Variants in KIF11 observed in about 807,000 individuals in gnomAD.
The protein encoded by KIF11 is kinesin family member 11.
KIF11 carries 9 observed loss-of-function variants against 121.0 expected under a neutral mutation model. The observed-to-expected ratio is 0.07, with a 90% CI of 0.04 to 0.13. KIF11 has a LOEUF of 0.13. KIF11 is among the 10% of genes least tolerant of loss of function. KIF11 has a pLI of 1.00. For synonymous variants in KIF11, 408 were observed against 421.0 expected, an observed-to-expected ratio of 0.97 and a Z score of 0.38; for missense variants, 846 against 1,217.5, an observed-to-expected ratio of 0.69 and a Z score of 4.54.
At chr10:92,612,931 C>T (rs1844513091) in intron 6 of KIF11, 109 bp from the exon 7 acceptor site, 1 of 626,252 alleles carries the variant, frequency 1.6e-6, no homozygotes, top group Admixed American at 2.9e-5. Flanking sequence ...CTGATGTTAT[C>T]TTTCTCTACT....
At chr10:92,604,828 A>T (rs1191355671) in intron 1 of KIF11, among the ~76,000 whole-genome samples, 1 of 152,186 alleles carries the variant, frequency 6.6e-6, no homozygotes, top group Non-Finnish European at 1.5e-5. Flanking sequence ...TGTCTTATTG[A>T]TGCTACTCTG....
At chr10:92,648,932 A>T (rs1009092580) in intron 19 of KIF11, among the ~76,000 whole-genome samples, 1 of 152,168 alleles carries the variant, frequency 6.6e-6, no homozygotes, top group Non-Finnish European at 1.5e-5. Context: ...GGCAAAGATC[A>T]TTATAGGCTG....
At chr10:92,641,271 A>G (rs983333995) in intron 17 of KIF11, among the ~76,000 whole-genome samples, 1 of 152,224 alleles carries the variant, frequency 6.6e-6, no homozygotes, top group South Asian at 2.1e-4. Context: ...GAAAGATACT[A>G]TATTTACCCT....
chr10:92,632,438 T>A (rs1374606750), intron 12 of KIF11, 48 bp from the exon 13 acceptor site: 1 of 1,185,592 alleles, frequency 8.4e-7, no homozygotes, highest in Admixed American at 1.8e-5. Flanking sequence ...TTCATCAGAT[T>A]CCTTTCACCG....
intron 10 of KIF11, among the ~76,000 whole-genome samples, chr10:92,627,383 T>G (rs1369419917): frequency 6.6e-6 from 1 of 152,196 alleles, no homozygotes; most frequent in East Asian, 1.9e-4. Context: ...GCATTCTCTA[T>G]TTTACTTTTT....
intron 1 of KIF11, chr10:92,597,025 C>G: frequency 2.5e-6 from 1 of 394,894 alleles, no homozygotes; most frequent in Non-Finnish European, 5.1e-6. Flanking sequence ...TCTGTGTGTT[C>G]CTGGATCTCC....
rs192801764 is a variant in KIF11, at chr10:92,638,814, T to C, written c.2161-980T>C. Among the ~76,000 whole-genome samples the C allele has an allele frequency of 2.3e-3, 348 of 152,342 alleles. 12 individuals are homozygous for C. The South Asian group carries it at 0.053, about 23-fold the overall frequency. On this transcript the variant is annotated intron_variant, in intron 16 of 21. Transcript: ENST00000260731. ...CTAGTAAAAATACTGACAGACTTTATTCATAATCAGAATGTTAGATATGTA... is the reference window on the plus strand; with the variant it reads ...CTAGTAAAAATACTGACAGACTTTACTCATAATCAGAATGTTAGATATGTA...
In KIF11 at chr10:92,600,540, G is replaced by A. The variant is rs148419121; in HGVS notation, c.78-5725G>A. 2.6e-3 allele frequency among the ~76,000 whole-genome samples: 397 copies of A among 151,884 alleles called. 1 individual carries two copies. The highest frequency in any genetic ancestry group is 9.1e-3 in the African/African-American group (375 of 41,406). On this transcript the variant is annotated intron_variant, in intron 1 of 21. Transcript: ENST00000260731. Reference sequence around the variant, plus strand: ...TTTTTTTCTTTTGAGACAGACTCTCGCTCTGTCACCAGGCTGGAGTGCAGT... The same window carrying A: ...TTTTTTTCTTTTGAGACAGACTCTCACTCTGTCACCAGGCTGGAGTGCAGT...
At chr10:92,630,488 C>A in intron 12 of KIF11, 124 bp downstream of exon 12, 1 of 500,310 alleles carries the variant, frequency 2.0e-6, no homozygotes, top group Non-Finnish European at 3.4e-6. Context: ...ATTTAAAAAA[C>A]ATTATTTTAC....
intron 1 of KIF11, chr10:92,597,203 A>G (rs1474199215): frequency 7.4e-6 from 2 of 270,468 alleles, no homozygotes; most frequent in Non-Finnish European, 7.5e-6. Flanking sequence ...TTTGGAGAAC[A>G]CAGGGGTCTG....
At chr10:92,625,485 A>G (rs1003734132) in intron 10 of KIF11, among the ~76,000 whole-genome samples, 5 of 151,768 alleles carry the variant, frequency 3.3e-5, no homozygotes, top group African/African-American at 1.2e-4. Context: ...AGTAGCTGGG[A>G]TTACAGGTGC....
chr10:92,625,452 G>A (rs529483328), intron 10 of KIF11, among the ~76,000 whole-genome samples: 195 of 151,372 alleles, frequency 1.3e-3, no homozygotes, highest in Non-Finnish European at 2.3e-3. Context: ...GGGTTCAAGC[G>A]ATTCTCCTGC....
intron 10 of KIF11, among the ~76,000 whole-genome samples, chr10:92,625,316 T>C (rs1409545726): frequency 6.6e-6 from 1 of 151,980 alleles, no homozygotes. Flanking sequence ...CACATATATG[T>C]CTTCTTTTGA....
chr10:92,597,859 C>T (rs1410835907), intron 1 of KIF11, among the ~76,000 whole-genome samples: 1 of 152,120 alleles, frequency 6.6e-6, no homozygotes, highest in Non-Finnish European at 1.5e-5. Context: ...CCATGTTGGT[C>T]AGGCTGGTCT....
chr10:92,654,944 T>C lies in KIF11; in HGVS notation c.*1148T>C, dbSNP rs1845029784. The C allele has an allele frequency of 6.5e-6, 1 of 152,696 alleles. No homozygotes were observed. The highest frequency in any genetic ancestry group is 1.5e-5 in the Non-Finnish European group (1 of 68,042). 9.5% of individuals were successfully genotyped at this position (152,696 alleles called of 1,614,324 possible). On this transcript the variant is annotated 3_prime_UTR_variant, in exon 22 of 22. Transcript: ENST00000260731. ...TGTTTGAAACTTCCAATTATGTCTATAATTTATATTCTTTTGTTTACATGA... is the reference window on the plus strand; with the variant it reads ...TGTTTGAAACTTCCAATTATGTCTACAATTTATATTCTTTTGTTTACATGA...
intron 21 of KIF11, among the ~76,000 whole-genome samples, chr10:92,652,391 C>T (rs1162541796): frequency 1.3e-5 from 2 of 152,142 alleles, no homozygotes; most frequent in African/African-American, 2.4e-5. Context: ...CCGCCCGCCT[C>T]GGCCTCCCAA....
At chr10:92,633,913 T>C (rs1460841838) in intron 14 of KIF11, 118 bp downstream of exon 14, 2 of 650,166 alleles carry the variant, frequency 3.1e-6, no homozygotes, top group Non-Finnish European at 5.2e-6. Context: ...TATTCTTTCT[T>C]CCTGAGCTTT....
At chr10:92,646,462 A>C (rs2135923964) in intron 18 of KIF11, among the ~76,000 whole-genome samples, 1 of 152,320 alleles carries the variant, frequency 6.6e-6, no homozygotes, top group Admixed American at 6.5e-5. Context: ...CAAAGAATTA[A>C]AATTTTTAAT....
At chr10:92,652,379 A>T (rs1357262214) in intron 21 of KIF11, among the ~76,000 whole-genome samples, 1 of 152,090 alleles carries the variant, frequency 6.6e-6, no homozygotes, top group Non-Finnish European at 1.5e-5. Flanking sequence ...ACCTCAGGTG[A>T]TCCGCCCGCC....
Sources: allele counts gnomAD v4.1 joint callset (sites outside exome capture counted in the v4.1 genomes callset), GRCh38; gene constraint gnomAD v4.1.1; transcripts MANE v1.5; gene names NCBI Gene and HGNC (gene_info 2026-07-23, HGNC 2026-07-21).